RNF13: variants seen among roughly 807,000 people sequenced by gnomAD.
The protein encoded by RNF13 is ring finger protein 13.
In RNF13, 19 loss-of-function variants were observed where a neutral mutation model predicts 37.7. That is an observed-to-expected ratio of 0.50 (90% CI 0.35 to 0.74). The LOEUF is 0.74. Ranked by LOEUF, RNF13 falls within the 30% of genes least tolerant of loss-of-function variation. RNF13 has a pLI of 0.01. For missense variants in RNF13, 375 were observed against 453.0 expected (o/e 0.83, Z 1.56); for synonymous variants, 144 against 157.8 (o/e 0.91, Z 0.65).
chr3:149,821,982 A>G (rs1372414876), intron 1 of RNF13, among the ~76,000 whole-genome samples: 2 of 152,150 alleles, frequency 1.3e-5, no homozygotes, highest in Non-Finnish European at 1.5e-5. Context: ...TGGATGCTCA[A>G]TTCTACTCCT....
intron 3 of RNF13, among the ~76,000 whole-genome samples, chr3:149,858,060 A>G (rs1331294888): frequency 6.6e-6 from 1 of 152,216 alleles, no homozygotes; most frequent in African/African-American, 2.4e-5. Flanking sequence ...TTATAAAGCC[A>G]GGACACCGCT....
chr3:149,952,719 C>T (rs1444058214), intron 8 of RNF13, among the ~76,000 whole-genome samples: 1 of 152,080 alleles, frequency 6.6e-6, no homozygotes, highest in Admixed American at 6.6e-5. Flanking sequence ...CCTGCCTCAG[C>T]CTCCTGAGTA....
At position 149,957,216 on chromosome 3, in the gene RNF13, T is replaced by C. The variant is rs988706979; in HGVS notation, c.701-2840T>C. On this transcript the variant is annotated intron_variant, in intron 8 of 9. Coordinates refer to ENST00000392894, the MANE Select transcript of RNF13 (RefSeq NM_183381.3). ...TTTGAGTATGAATCCACTGGCTGGA[T>C]TTCCAAATTGCCATGGTACATGAAG... is the stretch of plus-strand genomic sequence containing the variant. 3.9e-5 allele frequency among the ~76,000 whole-genome samples: 6 copies of C among 152,226 alleles called. No homozygotes were observed. In the East Asian group the frequency reaches 9.6e-4, roughly 24 times the overall value.
chr3:149,870,866 G>A (rs143126079), intron 3 of RNF13, among the ~76,000 whole-genome samples: 3 of 151,710 alleles, frequency 2.0e-5, no homozygotes, highest in African/African-American at 7.3e-5. Context: ...TAGATGATTG[G>A]TGTGACCAGT....
intron 1 of RNF13, among the ~76,000 whole-genome samples, chr3:149,845,398 C>T (rs1310128650): frequency 6.6e-6 from 1 of 152,092 alleles, no homozygotes; most frequent in East Asian, 1.9e-4. Flanking sequence ...GAAAGGGACT[C>T]ATAGTGAACA....
At chr3:149,824,824 T>G (rs2108321299) in intron 1 of RNF13, among the ~76,000 whole-genome samples, 1 of 152,172 alleles carries the variant, frequency 6.6e-6, no homozygotes, top group South Asian at 2.1e-4. Context: ...TTTTTTTTTT[T>G]TTAATTTAAC....
At chr3:149,890,433 A>G (rs1714576497) in intron 4 of RNF13, among the ~76,000 whole-genome samples, 1 of 152,148 alleles carries the variant, frequency 6.6e-6, no homozygotes, top group South Asian at 2.1e-4. Flanking sequence ...AACAATAAAC[A>G]CTAGTAGCAA....
At chr3:149,838,415 T>G (rs1172291663) in intron 1 of RNF13, among the ~76,000 whole-genome samples, 1 of 152,230 alleles carries the variant, frequency 6.6e-6, no homozygotes, top group African/African-American at 2.4e-5. Flanking sequence ...GCTCTGCCCC[T>G]GCAGCAAACT....
intron 7 of RNF13, among the ~76,000 whole-genome samples, chr3:149,920,394 C>T (rs1428553554): frequency 6.6e-6 from 1 of 151,468 alleles, no homozygotes; most frequent in Non-Finnish European, 1.5e-5. Context: ...CGGCAATGCG[C>T]CAGGCTAATT....
intron 8 of RNF13, among the ~76,000 whole-genome samples, chr3:149,943,803 CTT>C (rs1720506220): frequency 6.6e-6 from 1 of 150,884 alleles, no homozygotes; most frequent in Non-Finnish European, 1.5e-5. Context: ...ATACTGTGTT[CTT>C]TTGTCTTTTT....
At chr3:149,827,447 A>C (rs993020946) in intron 1 of RNF13, among the ~76,000 whole-genome samples, 10 of 152,110 alleles carry the variant, frequency 6.6e-5, no homozygotes, top group African/African-American at 2.4e-4. Context: ...TACGGTCTTA[A>C]ATTTTTTTTT....
In RNF13 at chr3:149,906,645, CTTTTTTTTT is replaced by C. The variant is rs35801459; in HGVS notation, c.500+4499_500+4507del. Among the ~76,000 whole-genome samples, 5 of 79,156 alleles carry C rather than the reference CTTTTTTTTT, an allele frequency of 6.3e-5. No homozygotes were observed. The East Asian group carries it at 2.1e-3, about 33-fold the overall frequency. 51.9% of individuals were successfully genotyped at this position (79,156 alleles called of 152,430 possible). A position where few individuals can be genotyped will look rare whatever the true frequency, so the allele number is the denominator to read the frequency against. On this transcript the variant is annotated intron_variant, in intron 6 of 9. Transcript: ENST00000392894. The stretch of plus-strand genomic sequence containing the variant: ...ATGTCCTTTCATTTGTTCAATTCTG[CTTTTTTTTT>C]TTTTTTTTTTTTTTTAATTTAGAAA...
intron 4 of RNF13, among the ~76,000 whole-genome samples, chr3:149,876,240 C>T (rs1409974171): frequency 2.0e-5 from 3 of 152,186 alleles, no homozygotes; most frequent in South Asian, 4.1e-4. Flanking sequence ...AACATATGCA[C>T]TTTATTCAGC....
At chr3:149,838,309 C>A (rs891349252) in intron 1 of RNF13, among the ~76,000 whole-genome samples, 1 of 152,206 alleles carries the variant, frequency 6.6e-6, no homozygotes, top group Non-Finnish European at 1.5e-5. Flanking sequence ...CCTCTTCTCA[C>A]AGCTCCACCA....
intron 1 of RNF13, among the ~76,000 whole-genome samples, chr3:149,814,525 T>G (rs1181221221): frequency 2.6e-5 from 4 of 152,202 alleles, no homozygotes; most frequent in Non-Finnish European, 4.4e-5. Flanking sequence ...TAAGGATTCA[T>G]TAATAGATTT....
intron 6 of RNF13, among the ~76,000 whole-genome samples, chr3:149,905,462 C>A (rs1716294733): frequency 6.6e-6 from 1 of 150,990 alleles, no homozygotes; most frequent in South Asian, 2.1e-4. Flanking sequence ...TTTAGAAGTT[C>A]TGTATTTTAT....
intron 3 of RNF13, among the ~76,000 whole-genome samples, chr3:149,854,113 G>A (rs1723415353): frequency 6.6e-6 from 1 of 151,888 alleles, no homozygotes; most frequent in South Asian, 2.1e-4. Context: ...TGGTATTTCA[G>A]GCATGAGCCA....
At chr3:149,877,131 G>A (rs1712813810) in intron 4 of RNF13, among the ~76,000 whole-genome samples, 1 of 152,052 alleles carries the variant, frequency 6.6e-6, no homozygotes, top group Non-Finnish European at 1.5e-5. Context: ...TTCTCTCTGT[G>A]AGAGAAAAAT....
At chr3:149,940,682 T>A (rs1720158782) in intron 8 of RNF13, among the ~76,000 whole-genome samples, 1 of 152,136 alleles carries the variant, frequency 6.6e-6, no homozygotes, top group African/African-American at 2.4e-5. Flanking sequence ...TTTGCTTGCA[T>A]TTTTTATTGT....
Sources: gnomAD v4.1 joint callset for allele counts (sites outside exome capture counted in the v4.1 genomes callset) on GRCh38, gnomAD v4.1.1 for gene constraint, MANE v1.5 for transcripts, NCBI Gene and HGNC (gene_info 2026-07-23, HGNC 2026-07-21) for gene names.